Variants in LHFPL3 observed in about 807,000 individuals in gnomAD.
LHFPL3 encodes LHFPL tetraspan subfamily member 3.
In LHFPL3, 5 loss-of-function variants were observed where a neutral mutation model predicts 19.3. The observed-to-expected ratio is 0.26, with a 90% CI of 0.14 to 0.54. LHFPL3 has a LOEUF of 0.54. LHFPL3 is among the 20% of genes least tolerant of loss of function. The pLI is 0.94. For missense variants in LHFPL3, 249 were observed against 307.4 expected, an observed-to-expected ratio of 0.81 and a Z score of 1.42; for synonymous variants, 133 against 126.2, an observed-to-expected ratio of 1.05 and a Z score of -0.36.
intron 1 of LHFPL3, among the ~76,000 whole-genome samples, chr7:104,489,386 T>G (rs13308490): frequency 0.11 from 16,765 of 151,746 alleles, 976 homozygotes; most frequent in Non-Finnish European, 0.12. Flanking sequence ...GGACTCTGCA[T>G]TTTCATTTTG....
chr7:104,723,156 C>A (rs1793519143), intron 1 of LHFPL3, among the ~76,000 whole-genome samples: 1 of 152,144 alleles, frequency 6.6e-6, no homozygotes, highest in Non-Finnish European at 1.5e-5. Flanking sequence ...AATGCCAGAG[C>A]AATTAGTGGC....
At chr7:104,425,364 A>G (rs1791824417) in intron 1 of LHFPL3, among the ~76,000 whole-genome samples, 1 of 126,228 alleles carries the variant, frequency 7.9e-6, no homozygotes, top group African/African-American at 3.8e-5. Context: ...GACCTCTCTG[A>G]GTCTGTTTTC....
At chr7:104,763,184 C>T (rs531463436) in intron 2 of LHFPL3, among the ~76,000 whole-genome samples, 3 of 152,258 alleles carry the variant, frequency 2.0e-5, no homozygotes, top group South Asian at 2.1e-4. Flanking sequence ...GTAATTGGCA[C>T]AAAAATCGTG....
chr7:104,566,574 C>CATGATGTTTTAAT (rs1160644649), intron 1 of LHFPL3, among the ~76,000 whole-genome samples: 34 of 152,206 alleles, frequency 2.2e-4, no homozygotes, highest in African/African-American at 8.2e-4. Context: ...GTTATTAAAA[C>CATGATGTTTTAAT]AGAGATGTTA....
chr7:104,598,332 C>T (rs568722779), intron 1 of LHFPL3, among the ~76,000 whole-genome samples: 4 of 152,258 alleles, frequency 2.6e-5, no homozygotes, highest in Admixed American at 6.5e-5. Flanking sequence ...ATATCAGCTG[C>T]CTACAAGAGC....
rs143632722 is a variant in LHFPL3 at position 104,760,486 on chromosome 7, C to T, written c.682+23575C>T. Among the ~76,000 whole-genome samples the T allele has an allele frequency of 3.1e-3, 470 of 152,290 alleles. 2 individuals carry two copies. Among genetic ancestry groups the T allele is most frequent in the Middle Eastern group, 6.8e-3 (2 of 294 alleles). On this transcript the variant is annotated intron_variant, in intron 2 of 2. Coordinates refer to ENST00000424859, the MANE Select transcript of LHFPL3 (RefSeq NM_199000.3). Reference sequence around the variant, plus strand: ...GCAGAAATGATACATGTGGATGTCTCGTATCATGTAAACATACAGTAGCCT... The same window carrying T: ...GCAGAAATGATACATGTGGATGTCTTGTATCATGTAAACATACAGTAGCCT...
intron 1 of LHFPL3, among the ~76,000 whole-genome samples, chr7:104,543,315 G>A (rs540545302): frequency 1.3e-5 from 2 of 152,172 alleles, no homozygotes; most frequent in East Asian, 1.9e-4. Context: ...CACTGTTGGT[G>A]GGACTGTAAA....
intron 2 of LHFPL3, among the ~76,000 whole-genome samples, chr7:104,754,679 G>A (rs1398636179): frequency 6.6e-6 from 1 of 152,170 alleles, no homozygotes; most frequent in Middle Eastern, 3.2e-3. Flanking sequence ...AAGAACCCTG[G>A]CCTCATGATG....
At chr7:104,805,886 G>A (rs753653563) in intron 2 of LHFPL3, among the ~76,000 whole-genome samples, 16 of 152,190 alleles carry the variant, frequency 1.1e-4, no homozygotes, top group Non-Finnish European at 1.5e-5. Context: ...ACATCGCTTT[G>A]TCTGAACCCT....
chr7:104,510,994 C>T (rs902206681), intron 1 of LHFPL3, among the ~76,000 whole-genome samples: 3 of 151,928 alleles, frequency 2.0e-5, no homozygotes, highest in African/African-American at 7.3e-5. Context: ...TACAACAAAC[C>T]CCCATGACAC....
At chr7:104,706,473 T>G (rs1420639557) in intron 1 of LHFPL3, among the ~76,000 whole-genome samples, 1 of 152,216 alleles carries the variant, frequency 6.6e-6, no homozygotes, top group East Asian at 1.9e-4. Flanking sequence ...CTCAATTTCC[T>G]GGCCATCAAA....
chr7:104,497,072 A>G (rs1793496009), intron 1 of LHFPL3, among the ~76,000 whole-genome samples: 1 of 152,130 alleles, frequency 6.6e-6, no homozygotes, highest in South Asian at 2.1e-4. Flanking sequence ...TCCTTGGACT[A>G]TATGCTGGGT....
At chr7:104,751,565 T>C (rs1468189477) in intron 2 of LHFPL3, among the ~76,000 whole-genome samples, 1 of 151,460 alleles carries the variant, frequency 6.6e-6, no homozygotes, top group Non-Finnish European at 1.5e-5. Flanking sequence ...TTGAACCCCA[T>C]CAATCCACCA....
intron 1 of LHFPL3, among the ~76,000 whole-genome samples, chr7:104,421,622 G>A (rs1380378759): frequency 2.0e-5 from 3 of 152,176 alleles, no homozygotes; most frequent in Non-Finnish European, 4.4e-5. Context: ...GATTACAGCT[G>A]TCAACACTGG....
At chr7:104,447,187 G>T (rs1792345995) in intron 1 of LHFPL3, among the ~76,000 whole-genome samples, 1 of 151,984 alleles carries the variant, frequency 6.6e-6, no homozygotes, top group African/African-American at 2.4e-5. Context: ...ATTGCTTTCA[G>T]CTTGAGTCTC....
intron 2 of LHFPL3, among the ~76,000 whole-genome samples, chr7:104,856,908 C>T (rs1232104458): frequency 6.6e-6 from 1 of 152,226 alleles, no homozygotes; most frequent in South Asian, 2.1e-4. Flanking sequence ...GTTCAGTATA[C>T]ATCAGAAAAT....
intron 2 of LHFPL3, among the ~76,000 whole-genome samples, chr7:104,869,752 G>A (rs1320003030): frequency 3.3e-5 from 5 of 152,226 alleles, no homozygotes; most frequent in South Asian, 2.1e-4. Flanking sequence ...TACATACCCA[G>A]AGGATTATAA....
chr7:104,648,316 C>G (rs1037193248), intron 1 of LHFPL3, among the ~76,000 whole-genome samples: 30 of 152,312 alleles, frequency 2.0e-4, no homozygotes, highest in African/African-American at 6.7e-4. Flanking sequence ...TTTCTAGATA[C>G]TGCCTCTCTG....
In LHFPL3 at chr7:104,746,969, C is replaced by G. The variant is rs560250893; in HGVS notation, c.682+10058C>G. ...AGGCCTCATGAAGATCTGGAGATTG[C>G]TTCCTCCACATGCTTAAATTTAATT... On this transcript the variant is annotated intron_variant, in intron 2 of 2. Coordinates refer to ENST00000424859, the MANE Select transcript of LHFPL3 (RefSeq NM_199000.3). Among the ~76,000 whole-genome samples, 3 of 152,296 alleles carry G rather than the reference C, an allele frequency of 2.0e-5. No individual in the cohort carries two copies. The South Asian group carries it at 6.2e-4, about 32-fold the overall frequency.
Sources: allele counts gnomAD v4.1 joint callset (sites outside exome capture counted in the v4.1 genomes callset), GRCh38; gene constraint gnomAD v4.1.1; transcripts MANE v1.5; gene names NCBI Gene and HGNC (gene_info 2026-07-23, HGNC 2026-07-21).